Variants in SPPL2A observed in about 807,000 individuals in gnomAD.
SPPL2A encodes the protein signal peptide peptidase like 2A.
Under a neutral mutation model 63.8 loss-of-function variants are expected in SPPL2A, and 51 were observed. The ratio of observed to expected loss-of-function variants is 0.80; its 90% CI spans 0.64 to 1.01. The LOEUF (loss-of-function observed/expected upper bound fraction) is 1.01. SPPL2A is among the 50% of genes least tolerant of loss of function. The probability of loss-of-function intolerance (pLI) is 0.00; values close to 1 mark genes in which losing one functional copy is unlikely to be tolerated. For missense variants in SPPL2A, 553 were observed against 622.7 expected (o/e 0.89, Z 1.19); for synonymous variants, 188 against 205.8 (o/e 0.91, Z 0.74).
intron 5 of SPPL2A, among the ~76,000 whole-genome samples, chr15:50,740,930 A>G (rs550386684): frequency 6.6e-6 from 1 of 152,220 alleles, no homozygotes; most frequent in South Asian, 2.1e-4. Flanking sequence ...TGTAAACGCT[A>G]AATTCTCCTC....
rs145947601 is a variant in SPPL2A, at chr15:50,744,576, C to T, written c.584+2919G>A. Among the ~76,000 whole-genome samples the T allele has an allele frequency of 2.4e-4, 37 of 152,032 alleles. 1 individual carries two copies. The East Asian group carries it at 6.2e-3, about 25-fold the overall frequency. On this transcript the variant is annotated intron_variant, in intron 5 of 14. Coordinates refer to ENST00000261854, the MANE Select transcript of SPPL2A (RefSeq NM_032802.4). ...CAAAAGTACAAAACTGTAAGGAGAC[C>T]GAGTTAAGGTTACTACTAAATAGGA...
Position 50,706,553 on chromosome 15 carries a change from A to T in SPPL2A, c.*1247T>A, listed in dbSNP as rs1332790584. On this transcript the variant is annotated 3_prime_UTR_variant, in exon 15 of 15. Coordinates refer to ENST00000261854, the MANE Select transcript of SPPL2A (RefSeq NM_032802.4). ...AACCGCACTTTGTACATCCTCCACC[A>T]AGATTAAGAATCATTACCTATGGGA... is the stretch of plus-strand genomic sequence containing the variant. 1 of 152,022 alleles carries T rather than the reference A, an allele frequency of 6.6e-6. No individual in the cohort carries two copies. Among genetic ancestry groups the T allele is most frequent in the Non-Finnish European group, 1.5e-5 (1 of 67,998 alleles). The allele number at this position is 152,022 out of a possible 1,614,324, so 9.4% of individuals were successfully genotyped here. A position where few individuals can be genotyped will look rare whatever the true frequency, so the allele number is the denominator to read the frequency against.
chr15:50,753,316 T>C (rs180916860), intron 1 of SPPL2A, among the ~76,000 whole-genome samples: 3 of 152,284 alleles, frequency 2.0e-5, no homozygotes, highest in African/African-American at 7.2e-5. Flanking sequence ...GAAAAGAACA[T>C]GCAGCAAATT....
intron 1 of SPPL2A, among the ~76,000 whole-genome samples, chr15:50,764,913 CA>C (rs34049728): frequency 0.26 from 37,037 of 144,332 alleles, 5,399 homozygotes; most frequent in East Asian, 0.55. Flanking sequence ...ACCCCCCCTC[CA>C]AAAAAAAAAA....
At chr15:50,732,826 T>G in intron 8 of SPPL2A, 142 bp from the exon 9 acceptor site, 1 of 593,372 alleles carries the variant, frequency 1.7e-6, no homozygotes, top group Admixed American at 3.1e-5. Context: ...TCTCACTCTG[T>G]CACCCAGGCT....
chr15:50,722,656 C>T (rs1196260994), intron 12 of SPPL2A, among the ~76,000 whole-genome samples: 1 of 152,162 alleles, frequency 6.6e-6, no homozygotes. Flanking sequence ...GGGGTTTCAT[C>T]ATGTTGGTCA....
chr15:50,718,570 G>A (rs1318917683), intron 14 of SPPL2A, among the ~76,000 whole-genome samples: 1 of 151,968 alleles, frequency 6.6e-6, no homozygotes, highest in Admixed American at 6.6e-5. Context: ...TTTAGTCAAG[G>A]GCATTAGGAT....
intron 1 of SPPL2A, among the ~76,000 whole-genome samples, chr15:50,759,188 G>GCCA: frequency 6.6e-6 from 1 of 152,182 alleles, no homozygotes; most frequent in Middle Eastern, 3.4e-3. Flanking sequence ...ACAGGCATGA[G>GCCA]CCACCATGCC....
intron 1 of SPPL2A, among the ~76,000 whole-genome samples, chr15:50,763,876 C>T (rs935093160): frequency 5.9e-5 from 9 of 151,844 alleles, no homozygotes; most frequent in Non-Finnish European, 1.0e-4. Context: ...CCAGCCTGGG[C>T]GACAGAGTGA....
chr15:50,763,173 G>A lies in SPPL2A; in HGVS notation c.66+2295C>T, dbSNP rs369540068. ...AAGAGGAATAAACAAAGGGCTTCAG[G>A]GAGAAAATGGTAGAAGACTTCAGAC... On this transcript the variant is annotated intron_variant, in intron 1 of 14. Transcript: ENST00000261854. Among the ~76,000 whole-genome samples the A allele has an allele frequency of 2.6e-5, 4 of 152,120 alleles. No individual in the cohort carries two copies. In the East Asian group the frequency reaches 7.7e-4, roughly 29 times the overall value.
rs965461207 is a variant in SPPL2A, at chr15:50,706,400, A to AG, written c.*1399_*1400insC. The AG allele has an allele frequency of 2.0e-5, 3 of 150,012 alleles. No individual in the cohort carries two copies. The highest frequency in any genetic ancestry group is 7.4e-5 in the African/African-American group (3 of 40,328). 9.3% of individuals were successfully genotyped at this position (150,012 alleles called of 1,614,324 possible). A position where few individuals can be genotyped will look rare whatever the true frequency, so the allele number is the denominator to read the frequency against. On this transcript the variant is annotated 3_prime_UTR_variant, in exon 15 of 15. Coordinates refer to ENST00000261854, the MANE Select transcript of SPPL2A (RefSeq NM_032802.4). ...GCGAGACTCCGTCTCAAAAAAAAAA[A>AG]AAAAAAAAAAAAGAAAACTGAGATA...
At chr15:50,725,942 C>G (rs2062683977) in intron 11 of SPPL2A, 2 of 408,468 alleles carry the variant, frequency 4.9e-6, no homozygotes, top group Non-Finnish European at 8.7e-6. Flanking sequence ...GAACTCAGGC[C>G]TTGAAACATA....
At chr15:50,722,084 T>C (rs758199597) in intron 13 of SPPL2A, 40 bp downstream of exon 13, 17 of 1,067,328 alleles carry the variant, frequency 1.6e-5, no homozygotes, top group African/African-American at 1.4e-4. Flanking sequence ...CTCCAGACAA[T>C]ACAATTCAAC....
intron 1 of SPPL2A, among the ~76,000 whole-genome samples, chr15:50,762,933 C>T (rs927683103): frequency 6.1e-5 from 9 of 147,566 alleles, no homozygotes; most frequent in African/African-American, 2.0e-4. Flanking sequence ...TTAGTAGAGA[C>T]GGGGTTTCAC....
intron 1 of SPPL2A, among the ~76,000 whole-genome samples, chr15:50,752,488 C>T (rs890479805): frequency 1.3e-5 from 2 of 152,070 alleles, no homozygotes; most frequent in Non-Finnish European, 2.9e-5. Context: ...GAGGCCGAGG[C>T]GGGTAGACCA....
intron 2 of SPPL2A, among the ~76,000 whole-genome samples, 159 bp downstream of exon 2, chr15:50,749,477 G>A (rs556998180): frequency 2.0e-5 from 3 of 152,182 alleles, no homozygotes; most frequent in East Asian, 3.9e-4. Flanking sequence ...TAGTAGAGAA[G>A]GGGTTTCACC....
chr15:50,745,144 G>A (rs1400070404), intron 5 of SPPL2A, among the ~76,000 whole-genome samples: 1 of 151,936 alleles, frequency 6.6e-6, no homozygotes, highest in South Asian at 2.1e-4. Flanking sequence ...TTATGTTTTT[G>A]TAGAGATGGG....
rs10717809 is a variant in SPPL2A at position 50,760,258 on chromosome 15, C to CT, written c.66+5209dup. On this transcript the variant is annotated intron_variant, in intron 1 of 14. Transcript: ENST00000261854. ...AGAGAGAGAGAAAGCTCTCTGATGT[C>CT]TTTTTTTTTTTTTATTTCCCCCAAG... 9.3e-4 allele frequency among the ~76,000 whole-genome samples: 138 copies of CT among 147,844 alleles called. 1 individual carries two copies. In the Middle Eastern group the frequency reaches 0.01, roughly 11 times the overall value.
intron 14 of SPPL2A, among the ~76,000 whole-genome samples, chr15:50,709,296 G>T (rs1046792209): frequency 3.9e-5 from 6 of 152,098 alleles, no homozygotes; most frequent in African/African-American, 1.2e-4. Flanking sequence ...CCTTCATCAA[G>T]AATTAGAAGA....
Sources: gnomAD v4.1 joint callset for allele counts (sites outside exome capture counted in the v4.1 genomes callset) on GRCh38, gnomAD v4.1.1 for gene constraint, MANE v1.5 for transcripts, NCBI Gene and HGNC (gene_info 2026-07-23, HGNC 2026-07-21) for gene names.